The following RIMS1 variants were observed in gnomAD, a reference collection of about 807,000 sequenced individuals.
RIMS1 encodes the protein regulating synaptic membrane exocytosis protein 1.
In RIMS1, 83 loss-of-function variants were observed where a neutral mutation model predicts 214.1. That is an observed-to-expected ratio of 0.39 (90% CI 0.32 to 0.47). The LOEUF is 0.47. Among genes scored for constraint, RIMS1 ranks in the 20% least tolerant of loss-of-function variants. The pLI is 0.99. For synonymous variants in RIMS1, 793 were observed against 786.8 expected, an observed-to-expected ratio of 1.01 and a Z score of -0.13; for missense variants, 2,050 against 2,161.8, an observed-to-expected ratio of 0.95 and a Z score of 1.03.
chr6:71,989,725 C>T (rs1193871319), intron 2 of RIMS1, among the ~76,000 whole-genome samples: 1 of 152,108 alleles, frequency 6.6e-6, no homozygotes, highest in Non-Finnish European at 1.5e-5. Flanking sequence ...TACCAGGTAC[C>T]GTGCTAGCAA....
At chr6:72,242,031 A>G (rs886505780) in intron 9 of RIMS1, among the ~76,000 whole-genome samples, 13 of 152,112 alleles carry the variant, frequency 8.5e-5, no homozygotes, top group African/African-American at 2.4e-4. Context: ...TTATTTTTAT[A>G]TGATTTCTGG....
At chr6:71,915,025 T>C (rs1385750189) in intron 1 of RIMS1, among the ~76,000 whole-genome samples, 1 of 152,102 alleles carries the variant, frequency 6.6e-6, no homozygotes, top group Non-Finnish European at 1.5e-5. Context: ...TTGATTTAAT[T>C]CTATTTGAGG....
At chr6:72,307,023 A>G (rs1434841699) in intron 26 of RIMS1, among the ~76,000 whole-genome samples, 2 of 152,174 alleles carry the variant, frequency 1.3e-5, no homozygotes, top group African/African-American at 2.4e-5. Flanking sequence ...GAAATAGAGT[A>G]TATTTTGTTA....
At chr6:72,278,152 AATCTATCTATCTATCT>A (rs561604409) in intron 23 of RIMS1, among the ~76,000 whole-genome samples, 34 of 128,250 alleles carry the variant, frequency 2.7e-4, no homozygotes, top group African/African-American at 3.3e-4. Context: ...AATGGTTTTT[AATCTATCTATCTATCT>A]ATCTATCTAT....
At chr6:72,398,018 T>G (rs2098799475) in intron 31 of RIMS1, among the ~76,000 whole-genome samples, 1 of 152,128 alleles carries the variant, frequency 6.6e-6, no homozygotes, top group South Asian at 2.1e-4. Context: ...ATTAACTAAT[T>G]TGCAAATCTC....
At chr6:72,175,346 A>G (rs1189636162) in intron 4 of RIMS1, 3 of 420,790 alleles carry the variant, frequency 7.1e-6, no homozygotes, top group Non-Finnish European at 1.4e-5. Context: ...AGTACCTCAG[A>G]TGGATTCTTA....
chr6:72,100,750 G>A (rs2033357549), intron 4 of RIMS1, among the ~76,000 whole-genome samples: 1 of 148,264 alleles, frequency 6.7e-6, no homozygotes, highest in African/African-American at 2.5e-5. Flanking sequence ...ATGAGAATGA[G>A]ACAATGAGTA....
At chr6:72,004,833 T>G (rs1306307440) in intron 2 of RIMS1, among the ~76,000 whole-genome samples, 2 of 151,564 alleles carry the variant, frequency 1.3e-5, no homozygotes, top group African/African-American at 2.4e-5. Flanking sequence ...CTGTTCACTC[T>G]GATGGTAGTT....
intron 2 of RIMS1, among the ~76,000 whole-genome samples, chr6:72,011,229 A>C (rs576504371): frequency 3.3e-5 from 5 of 152,362 alleles, no homozygotes; most frequent in Admixed American, 1.3e-4. Flanking sequence ...GAAATGAAGA[A>C]AGGATTCCCT....
At chr6:72,232,920 C>T (rs2062560595) in intron 6 of RIMS1, among the ~76,000 whole-genome samples, 1 of 151,786 alleles carries the variant, frequency 6.6e-6, no homozygotes, top group Non-Finnish European at 1.5e-5. Context: ...AACTAGCATG[C>T]TTTACTCACT....
intron 4 of RIMS1, among the ~76,000 whole-genome samples, chr6:72,102,455 A>T (rs1297430592): frequency 6.6e-5 from 10 of 152,032 alleles, no homozygotes; most frequent in Non-Finnish European, 1.5e-5. Context: ...ATAAAAAATA[A>T]TTTTTATATC....
intron 23 of RIMS1, among the ~76,000 whole-genome samples, chr6:72,279,174 C>T (rs760552373): frequency 8.6e-5 from 13 of 151,874 alleles, no homozygotes; most frequent in Admixed American, 6.6e-5. Flanking sequence ...GTTACCCTAA[C>T]TGAAATTAGT....
chr6:72,088,354 T>C lies in RIMS1; in HGVS notation c.246-8595T>C, dbSNP rs187706620. 1.4e-3 allele frequency among the ~76,000 whole-genome samples: 208 copies of C among 152,156 alleles called. 1 individual carries two copies. Among genetic ancestry groups the C allele is most frequent in the African/African-American group, 4.8e-3 (198 of 41,500 alleles). On this transcript the variant is annotated intron_variant, in intron 2 of 33. Transcript: ENST00000521978. The stretch of plus-strand genomic sequence containing the variant: ...ACCTTTGCCTCCCAGGTTCAAGCGA[T>C]TCTCCTGCCTCAGCTTTCTGAGTAG...
At chr6:72,310,546 A>G (rs2154291096) in intron 27 of RIMS1, among the ~76,000 whole-genome samples, 2 of 152,084 alleles carry the variant, frequency 1.3e-5, no homozygotes, top group Admixed American at 1.3e-4. Context: ...AGCAACCGAG[A>G]GTGATGTGAT....
In RIMS1 at chr6:72,231,805, A is replaced by G. The variant is rs550606077; in HGVS notation, c.1679-1968A>G. ...TTTGCCTATAAGAACAGTTTTTTGCAGATCGAATATTCACGAATATATGTA... is the reference window on the plus strand; with the variant it reads ...TTTGCCTATAAGAACAGTTTTTTGCGGATCGAATATTCACGAATATATGTA... On this transcript the variant is annotated intron_variant, in intron 6 of 33. Coordinates refer to ENST00000521978, the MANE Select transcript of RIMS1 (RefSeq NM_014989.7). Among the ~76,000 whole-genome samples, 16 of 151,770 alleles carry G rather than the reference A, an allele frequency of 1.1e-4. No individual in the cohort carries two copies. In the South Asian group the frequency reaches 3.3e-3, roughly 31 times the overall value.
intron 6 of RIMS1, among the ~76,000 whole-genome samples, chr6:72,202,695 G>A (rs1398201347): frequency 6.6e-6 from 1 of 152,116 alleles, no homozygotes; most frequent in Non-Finnish European, 1.5e-5. Context: ...TTGTCTCCAT[G>A]GTTGTCTATG....
chr6:72,215,680 C>G (rs1431304728), intron 6 of RIMS1, among the ~76,000 whole-genome samples: 1 of 152,228 alleles, frequency 6.6e-6, no homozygotes, highest in South Asian at 2.1e-4. Flanking sequence ...CCAACAATAA[C>G]TTGGTCAGGT....
At chr6:72,001,222 C>T (rs139796807) in intron 2 of RIMS1, among the ~76,000 whole-genome samples, 7 of 152,282 alleles carry the variant, frequency 4.6e-5, no homozygotes, top group Admixed American at 2.6e-4. Flanking sequence ...TCACCCCAGC[C>T]TCACTGCACA....
At chr6:72,072,794 T>C (rs1264349420) in intron 2 of RIMS1, among the ~76,000 whole-genome samples, 1 of 152,180 alleles carries the variant, frequency 6.6e-6, no homozygotes, top group Non-Finnish European at 1.5e-5. Flanking sequence ...TAAGATAAGT[T>C]ACTGGAAATT....
Sources: gnomAD v4.1 joint callset for allele counts (sites outside exome capture counted in the v4.1 genomes callset) on GRCh38, gnomAD v4.1.1 for gene constraint, MANE v1.5 for transcripts, NCBI Gene and HGNC (gene_info 2026-07-23, HGNC 2026-07-21) for gene names.